The following EBF4 variants were observed in gnomAD, a reference collection of about 807,000 sequenced individuals.
EBF4 encodes EBF transcription factor 4.
EBF4 carries 34 observed loss-of-function variants against 67.1 expected under a neutral mutation model. The ratio of observed to expected loss-of-function variants is 0.51; its 90% CI spans 0.39 to 0.67. EBF4 has a LOEUF of 0.67. Among genes scored for constraint, EBF4 ranks in the 30% least tolerant of loss-of-function variants. The pLI, the probability that EBF4 is intolerant of heterozygous loss-of-function variation, is 0.00. For missense variants in EBF4, 837 were observed against 873.3 expected, an observed-to-expected ratio of 0.96 and a Z score of 0.52; for synonymous variants, 387 against 377.7, an observed-to-expected ratio of 1.02 and a Z score of -0.29.
chr20:2,728,948 C>A (rs1255171323), intron 6 of EBF4, among the ~76,000 whole-genome samples: 1 of 151,944 alleles, frequency 6.6e-6, no homozygotes, highest in Non-Finnish European at 1.5e-5. Context: ...AGAGCTGTTG[C>A]AGATATTTTG....
chr20:2,746,386 G>A (rs1044059780), intron 6 of EBF4, among the ~76,000 whole-genome samples: 1 of 152,132 alleles, frequency 6.6e-6, no homozygotes, highest in Admixed American at 6.5e-5. Flanking sequence ...TGTCTACACT[G>A]TAGGGGTGCA....
chr20:2,750,662 G>T (rs1183910346), intron 10 of EBF4, among the ~76,000 whole-genome samples: 2 of 152,098 alleles, frequency 1.3e-5, no homozygotes, highest in Non-Finnish European at 2.9e-5. Flanking sequence ...AGGGACACTC[G>T]GTAGTGACCC....
Position 2,755,606 on chromosome 20 carries a change from C to T in EBF4, c.1541-21C>T. ...CACCACCTTCCCTGCTGCGCCTGCC[C>T]CTCCCCGCCCCGCCCCGGAGTCATG... On this transcript the variant is annotated intron_variant, in intron 14 of 16. Coordinates refer to ENST00000609451, the Ensembl canonical transcript of EBF4. This position sits in a 1 kb window ranked among gnomAD's most constrained non-coding sequence, Gnocchi z 4.7. The T allele has an allele frequency of 8.5e-7, 1 of 1,173,258 alleles. No individual in the cohort carries two copies. Among genetic ancestry groups the T allele is most frequent in the Non-Finnish European group, 1.2e-6 (1 of 807,484 alleles). 72.7% of individuals were successfully genotyped at this position (1,173,258 alleles called of 1,614,324 possible).
intron 15 of EBF4, among the ~76,000 whole-genome samples, chr20:2,757,533 G>A (rs931973852): frequency 2.6e-5 from 4 of 152,230 alleles, no homozygotes; most frequent in African/African-American, 4.8e-5. Flanking sequence ...ACTTGCCCAA[G>A]CAAGGTTTGA....
intron 14 of EBF4, among the ~76,000 whole-genome samples, chr20:2,754,891 G>A (rs1346948021): frequency 1.3e-5 from 2 of 151,594 alleles, no homozygotes; most frequent in African/African-American, 4.9e-5. Context: ...GGGAGTTTGA[G>A]AGCAGGAAGA....
At chr20:2,705,706 C>T (rs927158543) in exon 2 of EBF4, 10 of 1,551,144 alleles carry the variant, frequency 6.4e-6, no homozygotes, top group Admixed American at 2.0e-5. Context: ...AGCGCACAGC[C>T]TTCATCGACT....
chr20:2,754,873 G>C lies in EBF4; in HGVS notation c.1541-754G>C, dbSNP rs141710528. Reference sequence around the variant, plus strand: ...TCCCAGGAGGGCAAGCCGCAGCCTGGGTGGCTAGGGAGTTTGAGAGCAGGA... The same window carrying C: ...TCCCAGGAGGGCAAGCCGCAGCCTGCGTGGCTAGGGAGTTTGAGAGCAGGA... On this transcript the variant is annotated intron_variant, in intron 14 of 16. Transcript: ENST00000609451. Among the ~76,000 whole-genome samples the C allele has an allele frequency of 3.2e-3, 493 of 152,116 alleles. 4 individuals carry two copies. The highest frequency in any genetic ancestry group is 0.011 in the African/African-American group (476 of 41,448).
Position 2,693,624 on chromosome 20 carries a change from C to A in EBF4, c.-22C>A. 5 of 1,372,600 alleles carry A rather than the reference C, an allele frequency of 3.6e-6. No homozygotes were observed. The highest frequency in any genetic ancestry group is 1.7e-5 in the South Asian group (1 of 59,992). 85.0% of individuals were successfully genotyped at this position (1,372,600 alleles called of 1,614,324 possible). On this transcript the variant is annotated 5_prime_UTR_variant, in exon 1 of 17. Transcript: ENST00000609451. The surrounding 1 kb of genome is among the most constrained non-coding windows in gnomAD (Gnocchi z 4.6). ...GGGACCGGATCCGGGGCGGCGGGGG[C>A]GCTCACTCACCGCGCGCCCTCATGT...
In EBF4 at chr20:2,749,382, G is replaced by A; in HGVS notation, c.640-19G>A. ...GCCCCCGAGGGCCCCAGCCAGGCTG[G>A]CCTCGGCTCTCCCCGCAGGTGGTGG... On this transcript the variant is annotated intron_variant, in intron 7 of 16. Transcript: ENST00000609451. 1.3e-6 allele frequency: 2 copies of A among 1,514,822 alleles called. No individual in the cohort carries two copies. Among genetic ancestry groups the A allele is most frequent in the Non-Finnish European group, 1.8e-6 (2 of 1,124,446 alleles). 93.8% of individuals were successfully genotyped at this position (1,514,822 alleles called of 1,614,324 possible).
intron 5 of EBF4, 23 bp from the exon 6 acceptor site, chr20:2,709,551 C>T: frequency 6.5e-7 from 1 of 1,543,500 alleles, no homozygotes; most frequent in Non-Finnish European, 8.8e-7. Flanking sequence ...TCTGCCTTCC[C>T]TCCTTCCTCA....
chr20:2,694,477 T>C (rs2087260223), intron 1 of EBF4, among the ~76,000 whole-genome samples: 1 of 151,924 alleles, frequency 6.6e-6, no homozygotes, highest in Non-Finnish European at 1.5e-5. Context: ...CAGTAGGGGG[T>C]TGACTCCAGG....
At chr20:2,719,651 C>T (rs1001819331) in intron 6 of EBF4, among the ~76,000 whole-genome samples, 6 of 152,144 alleles carry the variant, frequency 3.9e-5, no homozygotes, top group East Asian at 1.9e-4. Context: ...GCAATCTGCC[C>T]ACCTCAGCCT....
chr20:2,721,800 T>C (rs1012378430), intron 6 of EBF4, among the ~76,000 whole-genome samples: 3 of 152,074 alleles, frequency 2.0e-5, no homozygotes, highest in African/African-American at 4.8e-5. Context: ...TTATAATAAC[T>C]CTTCTATTAT....
chr20:2,745,127 A>G lies in EBF4; in HGVS notation c.558-3422A>G, dbSNP rs2088031774. ...TGAACCAGCATCACCTGGAGGGCGTATGAATGCAGAGATGTGATTCTGACT... is the reference window on the plus strand; with the variant it reads ...TGAACCAGCATCACCTGGAGGGCGTGTGAATGCAGAGATGTGATTCTGACT... On this transcript the variant is annotated intron_variant, in intron 6 of 16. Coordinates refer to ENST00000609451, the Ensembl canonical transcript of EBF4. This position sits in a 1 kb window ranked among gnomAD's most constrained non-coding sequence, Gnocchi z 5.2. Among the ~76,000 whole-genome samples the G allele has an allele frequency of 6.6e-6, 1 of 152,206 alleles. No individual in the cohort carries two copies. Among genetic ancestry groups the G allele is most frequent in the South Asian group, 2.1e-4 (1 of 4,830 alleles).
At chr20:2,749,493 G>A in exon 8 of EBF4, 2 of 1,548,228 alleles carry the variant, frequency 1.3e-6, no homozygotes, top group African/African-American at 1.4e-5. Flanking sequence ...ATGGCCGCAG[G>A]GCGCGCCGCC....
chr20:2,744,241 C>T (rs1050130847), intron 6 of EBF4, among the ~76,000 whole-genome samples: 34 of 151,678 alleles, frequency 2.2e-4, no homozygotes, highest in Non-Finnish European at 1.6e-4. Flanking sequence ...CCACCACGCC[C>T]GGCTAATTTT....
Position 2,739,112 on chromosome 20 carries a change from A to G in EBF4, c.558-9437A>G, listed in dbSNP as rs1386052821. Among the ~76,000 whole-genome samples, 2 of 152,118 alleles carry G rather than the reference A, an allele frequency of 1.3e-5. No individual in the cohort carries two copies. The highest frequency in any genetic ancestry group is 2.9e-5 in the Non-Finnish European group (2 of 68,016). On this transcript the variant is annotated intron_variant, in intron 6 of 16. Coordinates refer to ENST00000609451, the Ensembl canonical transcript of EBF4. This position sits in a 1 kb window ranked among gnomAD's most constrained non-coding sequence, Gnocchi z 4.5. The stretch of plus-strand genomic sequence containing the variant: ...GGCCAACCCCACATGGGCCTGAACT[A>G]TTACAGTAAGCTCCTCATTTCCCTT...
intron 6 of EBF4, among the ~76,000 whole-genome samples, chr20:2,725,290 A>G (rs2087733336): frequency 6.6e-6 from 1 of 151,900 alleles, no homozygotes; most frequent in Admixed American, 6.6e-5. Context: ...ATTGTTTTTC[A>G]TTCATCTTTC....
At chr20:2,732,139 G>C (rs2087821959) in intron 6 of EBF4, among the ~76,000 whole-genome samples, 1 of 150,936 alleles carries the variant, frequency 6.6e-6, no homozygotes, top group African/African-American at 2.4e-5. Context: ...TCTCACTCCA[G>C]TTGACCAGGC....
Sources: gnomAD v4.1 joint callset for allele counts (sites outside exome capture counted in the v4.1 genomes callset) on GRCh38, gnomAD v4.1.1 for gene constraint, Gnocchi (gnomAD v3.1) non-coding constraint, MANE v1.5 for transcripts, NCBI Gene and HGNC (gene_info 2026-07-23, HGNC 2026-07-21) for gene names.